The following PKIB variants were observed in gnomAD, a reference collection of about 807,000 sequenced individuals.
PKIB encodes cAMP-dependent protein kinase inhibitor beta.
Under a neutral mutation model 4.5 loss-of-function variants are expected in PKIB, and 2 were observed. The observed-to-expected ratio is 0.44, with a 90% confidence interval of 0.18 to 1.39. The LOEUF (loss-of-function observed/expected upper bound fraction) is 1.39, where lower values mean the gene tolerates loss of function less well. PKIB is among the 40% of genes most tolerant of loss of function. The pLI is 0.27. For missense variants in PKIB, 94 were observed against 92.6 expected, an observed-to-expected ratio of 1.02 and a Z score of -0.06; for synonymous variants, 38 against 36.0, an observed-to-expected ratio of 1.06 and a Z score of -0.20.
intron 1 of PKIB, among the ~76,000 whole-genome samples, chr6:122,472,985 G>C (rs539135546): frequency 6.6e-6 from 1 of 151,962 alleles, no homozygotes; most frequent in Non-Finnish European, 1.5e-5. Context: ...GGTGGCACGC[G>C]CATGTAATCC....
intron 4 of PKIB, among the ~76,000 whole-genome samples, chr6:122,721,801 A>G (rs1009576463): frequency 3.6e-5 from 4 of 110,760 alleles, no homozygotes; most frequent in African/African-American, 1.9e-4. Context: ...ACATGTTACT[A>G]CATATATATA....
intron 2 of PKIB, among the ~76,000 whole-genome samples, chr6:122,491,212 A>T (rs1052936253): frequency 1.3e-5 from 2 of 152,128 alleles, no homozygotes; most frequent in South Asian, 2.1e-4. Flanking sequence ...TTATCTCTTT[A>T]TTCTGCACTT....
chr6:122,490,208 T>C (rs561036252), intron 2 of PKIB, among the ~76,000 whole-genome samples: 28 of 152,356 alleles, frequency 1.8e-4, no homozygotes, highest in African/African-American at 6.5e-4. Context: ...CATCTTCTTG[T>C]AGCTTTTGAA....
intron 2 of PKIB, among the ~76,000 whole-genome samples, chr6:122,672,146 C>T (rs1347507738): frequency 6.6e-6 from 1 of 152,090 alleles, no homozygotes; most frequent in South Asian, 2.1e-4. Flanking sequence ...TGTTCCATCT[C>T]CAGCCTGGTA....
intron 3 of PKIB, among the ~76,000 whole-genome samples, chr6:122,711,739 T>C (rs1401566464): frequency 6.6e-6 from 1 of 152,186 alleles, no homozygotes; most frequent in African/African-American, 2.4e-5. Flanking sequence ...GAAGTAACAT[T>C]GTGCTGGAAG....
At chr6:122,661,445 A>C (rs1312839573) in intron 2 of PKIB, among the ~76,000 whole-genome samples, 1 of 152,224 alleles carries the variant, frequency 6.6e-6, no homozygotes, top group Non-Finnish European at 1.5e-5. Context: ...TTTTATATAA[A>C]TTGAATCATA....
intron 3 of PKIB, among the ~76,000 whole-genome samples, chr6:122,678,657 A>G (rs926274694): frequency 6.6e-6 from 1 of 152,160 alleles, no homozygotes; most frequent in African/African-American, 2.4e-5. Context: ...TGAATCCAGT[A>G]TAGTCCTAGT....
chr6:122,521,899 A>G (rs890980720), intron 2 of PKIB, among the ~76,000 whole-genome samples: 6 of 151,956 alleles, frequency 3.9e-5, no homozygotes, highest in African/African-American at 7.3e-5. Flanking sequence ...GTCCTTGTCA[A>G]TTTCCGATGG....
At chr6:122,656,005 TC>T (rs1776764450) in intron 2 of PKIB, among the ~76,000 whole-genome samples, 2 of 152,182 alleles carry the variant, frequency 1.3e-5, no homozygotes, top group African/African-American at 2.4e-5. Context: ...TATTTTTTTC[TC>T]CCCTTGATAA....
intron 2 of PKIB, among the ~76,000 whole-genome samples, chr6:122,564,243 C>T (rs1458165391): frequency 2.0e-5 from 3 of 152,106 alleles, no homozygotes; most frequent in African/African-American, 7.2e-5. Context: ...ATCTGTGGGT[C>T]CTCTCGGGAT....
intron 2 of PKIB, among the ~76,000 whole-genome samples, chr6:122,543,292 C>T (rs1356897847): frequency 4.0e-5 from 6 of 151,820 alleles, no homozygotes; most frequent in East Asian, 1.9e-4. Flanking sequence ...TCTTCTGCAT[C>T]GCTCACGCTG....
chr6:122,717,545 G>C, intron 3 of PKIB: 1 of 468,548 alleles, frequency 2.1e-6, no homozygotes, highest in Non-Finnish European at 3.8e-6. Context: ...GCATCCAAGT[G>C]GCTCATTCGG....
intron 2 of PKIB, among the ~76,000 whole-genome samples, chr6:122,635,056 A>C (rs559814802): frequency 1.1e-4 from 17 of 152,294 alleles, no homozygotes; most frequent in African/African-American, 4.1e-4. Context: ...AACCACTAGA[A>C]TCTCCATACT....
rs1031919345 is a variant in PKIB, at chr6:122,718,071, T to C, written c.169+108T>C. The C allele has an allele frequency of 2.6e-6, 3 of 1,140,122 alleles. No homozygotes were observed. In the Admixed American group the frequency reaches 7.6e-5, roughly 29 times the overall value. 70.6% of individuals were successfully genotyped at this position (1,140,122 alleles called of 1,614,324 possible). A position where few individuals can be genotyped will look rare whatever the true frequency, so the allele number is the denominator to read the frequency against. ...TAGTTAAAAGTGCTCAGTTTCCTTATTTGTTTACTTAAACCTCTCAGCTTT... is the reference window on the plus strand; with the variant it reads ...TAGTTAAAAGTGCTCAGTTTCCTTACTTGTTTACTTAAACCTCTCAGCTTT... On this transcript the variant is annotated intron_variant, in intron 4 of 4. Transcript: ENST00000368452.
chr6:122,576,002 C>T (rs1260530846), intron 2 of PKIB, among the ~76,000 whole-genome samples: 2 of 152,158 alleles, frequency 1.3e-5, no homozygotes, highest in African/African-American at 4.8e-5. Flanking sequence ...GTACACACTA[C>T]ACAATGTCAT....
At chr6:122,643,628 T>C (rs551645045) in intron 2 of PKIB, 1 of 152,334 alleles carries the variant, frequency 6.6e-6, no homozygotes, top group East Asian at 1.9e-4. Flanking sequence ...TTACAGATGC[T>C]TGAGAACACC....
chr6:122,508,765 T>C (rs537452320), intron 2 of PKIB, among the ~76,000 whole-genome samples: 11 of 152,262 alleles, frequency 7.2e-5, no homozygotes, highest in Middle Eastern at 3.4e-3. Context: ...ATTTTTTTTT[T>C]TTAGAGACAG....
chr6:122,676,407 T>C (rs556287537), intron 3 of PKIB, among the ~76,000 whole-genome samples: 13 of 152,138 alleles, frequency 8.5e-5, no homozygotes, highest in Non-Finnish European at 1.6e-4. Flanking sequence ...TAACAGGCCA[T>C]GGATTGGTAC....
intron 2 of PKIB, among the ~76,000 whole-genome samples, chr6:122,500,298 T>G (rs1291974710): frequency 6.6e-6 from 1 of 152,182 alleles, no homozygotes; most frequent in Non-Finnish European, 1.5e-5. Context: ...TCACATTCTT[T>G]TTTTTTATAT....
Sources: allele counts gnomAD v4.1 joint callset (sites outside exome capture counted in the v4.1 genomes callset), GRCh38; gene constraint gnomAD v4.1.1; transcripts MANE v1.5; gene names NCBI Gene and HGNC (gene_info 2026-07-23, HGNC 2026-07-21).